CRYZL1: variants seen among roughly 807,000 people sequenced by gnomAD.
CRYZL1 encodes the protein ferry endosomal RAB5 effector complex subunit 4.
Under a neutral mutation model 50.6 loss-of-function variants are expected in CRYZL1, and 34 were observed. The observed-to-expected ratio is 0.67, with a 90% CI of 0.51 to 0.89. The LOEUF is 0.89. Among genes scored for constraint, CRYZL1 ranks in the 40% least tolerant of loss-of-function variants. CRYZL1 has a pLI of 0.00. For missense variants in CRYZL1, 354 were observed against 402.3 expected (o/e 0.88, Z 1.03); for synonymous variants, 125 against 134.3 (o/e 0.93, Z 0.48).
At chr21:33,608,086 T>C (rs1601333669) in intron 6 of CRYZL1, among the ~76,000 whole-genome samples, 1 of 152,324 alleles carries the variant, frequency 6.6e-6, no homozygotes, top group East Asian at 1.9e-4. Flanking sequence ...TGAAATTTAC[T>C]CTCAGCAATT....
chr21:33,641,266 C>T (rs1650209541), intron 1 of CRYZL1: 1 of 1,550,438 alleles, frequency 6.4e-7, no homozygotes, highest in African/African-American at 1.4e-5. Flanking sequence ...CTACTAACTG[C>T]TTTCCGAAAA....
intron 6 of CRYZL1, among the ~76,000 whole-genome samples, chr21:33,604,215 C>T (rs997434810): frequency 3.3e-5 from 5 of 152,162 alleles, no homozygotes; most frequent in East Asian, 1.9e-4. Context: ...ATTAGCCAGG[C>T]GTGGTGGCGG....
In CRYZL1 at chr21:33,623,068, C is replaced by T. The variant is rs142639939; in HGVS notation, c.145-1000G>A. On this transcript the variant is annotated intron_variant, in intron 3 of 12. Coordinates refer to ENST00000381554, the MANE Select transcript of CRYZL1 (RefSeq NM_145858.3). ...GCAACCTCCGCCTCCCAGGTTCAAG[C>T]GATTCTCCTGCCTCAGCCTCCTGAG... 3.5e-3 allele frequency among the ~76,000 whole-genome samples: 534 copies of T among 151,244 alleles called. 3 individuals are homozygous for T. The highest frequency in any genetic ancestry group is 0.012 in the African/African-American group (509 of 41,184).
intron 6 of CRYZL1, among the ~76,000 whole-genome samples, chr21:33,603,806 T>C (rs377202752): frequency 1.3e-5 from 2 of 152,216 alleles, no homozygotes; most frequent in African/African-American, 4.8e-5. Context: ...GATGAATAAA[T>C]ATAAAGGAAA....
chr21:33,629,036 C>T (rs1235266523), intron 2 of CRYZL1, among the ~76,000 whole-genome samples: 1 of 149,258 alleles, frequency 6.7e-6, no homozygotes, highest in Non-Finnish European at 1.5e-5. Flanking sequence ...TTGAGACCAG[C>T]CTGGGCAACA....
intron 6 of CRYZL1, among the ~76,000 whole-genome samples, chr21:33,605,530 C>CTTTTTTTTTTTTTTTTTGTTTTTTTTTT (rs146096008): frequency 1.9e-5 from 1 of 53,196 alleles, no homozygotes; most frequent in African/African-American, 8.1e-5. Flanking sequence ...TACAAGAATT[C>CTTTTTTTTTTTTTTTTTGTTTTTTTTTT]TTTTTTTTTT....
At chr21:33,628,713 C>T (rs1225095843) in intron 2 of CRYZL1, among the ~76,000 whole-genome samples, 1 of 151,272 alleles carries the variant, frequency 6.6e-6, no homozygotes, top group East Asian at 1.9e-4. Flanking sequence ...GTGATCCTTC[C>T]GCCTTAGCCT....
At chr21:33,604,834 G>A (rs925345254) in intron 6 of CRYZL1, among the ~76,000 whole-genome samples, 1 of 152,134 alleles carries the variant, frequency 6.6e-6, no homozygotes, top group Non-Finnish European at 1.5e-5. Context: ...TTGTTACACC[G>A]TGCATGGGTT....
intron 6 of CRYZL1, among the ~76,000 whole-genome samples, chr21:33,610,408 G>A (rs565297379): frequency 1.3e-4 from 19 of 151,364 alleles, no homozygotes; most frequent in Non-Finnish European, 2.5e-4. Context: ...CACCTGCCTT[G>A]GCCTCCCAAA....
chr21:33,634,126 T>G (rs2087173538), intron 1 of CRYZL1, among the ~76,000 whole-genome samples: 1 of 152,216 alleles, frequency 6.6e-6, no homozygotes, highest in African/African-American at 2.4e-5. Flanking sequence ...TTAAGCTAGG[T>G]TAAATGATTA....
intron 11 of CRYZL1, chr21:33,591,463 T>G: frequency 1.8e-6 from 1 of 544,310 alleles, no homozygotes; most frequent in East Asian, 3.0e-5. Flanking sequence ...AGCCTGGTGC[T>G]TATCCTAAGT....
At chr21:33,641,106 A>G (rs1210015763) in intron 1 of CRYZL1, 20 of 1,544,260 alleles carry the variant, frequency 1.3e-5, no homozygotes, top group South Asian at 4.8e-5. Context: ...TAACGTGGAC[A>G]GCAGCACCTG....
At chr21:33,590,112 G>T (rs2086628673) in intron 12 of CRYZL1, among the ~76,000 whole-genome samples, 191 bp from the exon 13 acceptor site, 1 of 152,162 alleles carries the variant, frequency 6.6e-6, no homozygotes, top group South Asian at 2.1e-4. Context: ...CCGGCTCCCG[G>T]GTTCAAGCAA....
chr21:33,621,513 T>A (rs1043551386), intron 4 of CRYZL1, among the ~76,000 whole-genome samples: 1 of 151,670 alleles, frequency 6.6e-6, no homozygotes, highest in Admixed American at 6.6e-5. Flanking sequence ...AGCTAATTTT[T>A]TGTATTTTTA....
In CRYZL1 at chr21:33,599,166, A is replaced by G. The variant is rs1347803351; in HGVS notation, c.660T>C (p.Ile220=). The part of the protein sequence containing the change: ...LEETGGLGVD[I]VLDAGVRLYS... ...GGTACCTACCTCCAGCATCTAGGAC[A>G]ATATCTACTCCCAGGCCACCTGTTT... The change falls in exon 9 of 13, where the codon ATT becomes ATC. Residue 220 remains isoleucine, a synonymous_variant. Coordinates refer to ENST00000381554, the MANE Select transcript of CRYZL1 (RefSeq NM_145858.3). 6.2e-7 allele frequency: 1 copy of G among 1,614,114 alleles called. No individual in the cohort carries two copies. Among genetic ancestry groups the G allele is most frequent in the Non-Finnish European group, 8.5e-7 (1 of 1,179,984 alleles).
At chr21:33,596,867 C>CTT (rs1181986117) in intron 10 of CRYZL1, among the ~76,000 whole-genome samples, 6 of 140,632 alleles carry the variant, frequency 4.3e-5, no homozygotes, top group Admixed American at 7.1e-5. Flanking sequence ...AGATTTTTTT[C>CTT]TTTTTTTTTT....
In CRYZL1 at chr21:33,640,513, G is replaced by A. The variant is rs75133935; in HGVS notation, c.-7+1168C>T. ...TTAGATAATAATAGCAGTTATCTCA[G>A]AGGGTTGCCATAAGGATTAAATAAT... is the stretch of plus-strand genomic sequence containing the variant. On this transcript the variant is annotated intron_variant, in intron 1 of 12. Transcript: ENST00000381554. 9.3e-3 allele frequency among the ~76,000 whole-genome samples: 1,410 copies of A among 152,104 alleles called. 29 individuals are homozygous for A. Among genetic ancestry groups the A allele is most frequent in the African/African-American group, 0.033 (1,374 of 41,446 alleles).
intron 7 of CRYZL1, 150 bp from the exon 8 acceptor site, chr21:33,602,495 T>C (rs988683431): frequency 6.7e-6 from 3 of 448,526 alleles, no homozygotes; most frequent in African/African-American, 6.0e-5. Flanking sequence ...AGCAAAGTTA[T>C]GGGCAAGTTT....
chr21:33,615,796 T>C (rs1034307491), intron 5 of CRYZL1, among the ~76,000 whole-genome samples: 4 of 152,204 alleles, frequency 2.6e-5, no homozygotes, highest in Non-Finnish European at 5.9e-5. Context: ...CCTTCAAGCA[T>C]GTGACTTGTA....
Sources: gnomAD v4.1 joint callset for allele counts (sites outside exome capture counted in the v4.1 genomes callset) on GRCh38, gnomAD v4.1.1 for gene constraint, MANE v1.5 for transcripts, NCBI Gene and HGNC (gene_info 2026-07-23, HGNC 2026-07-21) for gene names.